The following PPP2R2B variants were observed in gnomAD, a reference collection of about 807,000 sequenced individuals.
PPP2R2B encodes serine/threonine-protein phosphatase 2A 55 kDa regulatory subunit B beta isoform.
Under a neutral mutation model 46.0 loss-of-function variants are expected in PPP2R2B, and 5 were observed. That is an observed-to-expected ratio of 0.11 (90% CI 0.06 to 0.23). The LOEUF is 0.23. Ranked by LOEUF, PPP2R2B falls within the 10% of genes least tolerant of loss-of-function variation. The pLI, the probability that PPP2R2B is intolerant of heterozygous loss-of-function variation, is 1.00. For synonymous variants in PPP2R2B, 215 were observed against 206.7 expected, an observed-to-expected ratio of 1.04 and a Z score of -0.34; for missense variants, 367 against 575.0, an observed-to-expected ratio of 0.64 and a Z score of 3.70.
chr5:146,752,147 G>T (rs774560047), intron 2 of PPP2R2B, among the ~76,000 whole-genome samples: 2 of 152,144 alleles, frequency 1.3e-5, no homozygotes, highest in Non-Finnish European at 2.9e-5. Context: ...GCTTGGACTA[G>T]TGTGGTAGCA....
At chr5:146,975,331 G>A (rs1368513665) in intron 1 of PPP2R2B, among the ~76,000 whole-genome samples, 2 of 152,154 alleles carry the variant, frequency 1.3e-5, no homozygotes, top group Non-Finnish European at 2.9e-5. Flanking sequence ...GCATGAGTAA[G>A]AATTTCCTTC....
chr5:146,865,293 GACACACACACAC>G (rs36219835), intron 2 of PPP2R2B, among the ~76,000 whole-genome samples: 4,339 of 145,974 alleles, frequency 0.03, 232 homozygotes, highest in African/African-American at 0.099. Flanking sequence ...CTTTGTCTCT[GACACACACACAC>G]ACACACACAC....
At chr5:146,718,692 A>G (rs1368976199) in intron 2 of PPP2R2B, among the ~76,000 whole-genome samples, 1 of 152,138 alleles carries the variant, frequency 6.6e-6, no homozygotes, top group Admixed American at 6.5e-5. Context: ...CACCCTTTCA[A>G]TTTGCAGGAA....
At chr5:146,698,331 T>A (rs1467619876) in intron 3 of PPP2R2B, among the ~76,000 whole-genome samples, 187 bp from the exon 4 acceptor site, 154 of 119,690 alleles carry the variant, frequency 1.3e-3, no homozygotes, top group East Asian at 6.8e-3. Context: ...TATATATATA[T>A]ATATATATAT....
At chr5:146,870,396 A>T (rs780934712) in intron 2 of PPP2R2B, among the ~76,000 whole-genome samples, 26 of 152,144 alleles carry the variant, frequency 1.7e-4, no homozygotes, top group Non-Finnish European at 2.5e-4. Flanking sequence ...AATGCCAGAG[A>T]TTGCGCTCTC....
intron 1 of PPP2R2B, among the ~76,000 whole-genome samples, chr5:146,983,290 C>G (rs1290986788): frequency 6.7e-6 from 1 of 149,072 alleles, no homozygotes; most frequent in African/African-American, 2.5e-5. Context: ...ACACCATTCT[C>G]CTGCCTCAGC....
intron 2 of PPP2R2B, among the ~76,000 whole-genome samples, chr5:146,733,103 T>C (rs1322190210): frequency 6.6e-6 from 1 of 152,242 alleles, no homozygotes; most frequent in African/African-American, 2.4e-5. Flanking sequence ...TAGGTCACCA[T>C]GAACTCTCAG....
chr5:146,917,751 G>C (rs549984468), intron 1 of PPP2R2B: 4 of 152,122 alleles, frequency 2.6e-5, no homozygotes, highest in Non-Finnish European at 4.4e-5. Flanking sequence ...TAATCTATCT[G>C]TAGCAAGATC....
chr5:146,794,032 C>G (rs1263513693), intron 2 of PPP2R2B, among the ~76,000 whole-genome samples: 1 of 152,174 alleles, frequency 6.6e-6, no homozygotes, highest in Non-Finnish European at 1.5e-5. Flanking sequence ...ATTCTGAACA[C>G]TTTTTGAGAA....
At chr5:146,616,384 TG>T (rs2151044963) in intron 7 of PPP2R2B, among the ~76,000 whole-genome samples, 1 of 152,118 alleles carries the variant, frequency 6.6e-6, no homozygotes, top group South Asian at 2.1e-4. Flanking sequence ...AATGAACAAA[TG>T]GGATCAAGTT....
chr5:146,731,827 G>A (rs1327281059), intron 2 of PPP2R2B, among the ~76,000 whole-genome samples: 2 of 152,136 alleles, frequency 1.3e-5, no homozygotes, highest in Non-Finnish European at 2.9e-5. Flanking sequence ...TGGACAGAGT[G>A]GGTATGTCCA....
intron 2 of PPP2R2B, among the ~76,000 whole-genome samples, chr5:146,794,245 C>T (rs572444206): frequency 6.6e-6 from 1 of 152,150 alleles, no homozygotes; most frequent in African/African-American, 2.4e-5. Context: ...TTTTGTCAAT[C>T]ATAATCAATT....
At chr5:146,779,000 C>A (rs904057082) in intron 2 of PPP2R2B, among the ~76,000 whole-genome samples, 1 of 152,122 alleles carries the variant, frequency 6.6e-6, no homozygotes, top group Non-Finnish European at 1.5e-5. Context: ...TGGGGCAGGA[C>A]GAACACAGCT....
At chr5:146,843,354 T>C (rs963271627) in intron 2 of PPP2R2B, among the ~76,000 whole-genome samples, 1 of 152,184 alleles carries the variant, frequency 6.6e-6, no homozygotes, top group South Asian at 2.1e-4. Context: ...AAGCTTACAA[T>C]CAAATTGCTT....
At chr5:146,869,306 A>T (rs1390701887) in intron 2 of PPP2R2B, among the ~76,000 whole-genome samples, 1 of 152,194 alleles carries the variant, frequency 6.6e-6, no homozygotes, top group Non-Finnish European at 1.5e-5. Context: ...TAAAATCAGG[A>T]AGGAGGACAT....
intron 7 of PPP2R2B, among the ~76,000 whole-genome samples, chr5:146,617,619 T>C (rs146726916): frequency 7.2e-5 from 11 of 151,834 alleles, no homozygotes; most frequent in Admixed American, 5.9e-4. Flanking sequence ...AGATATACCA[T>C]GCCTACGCTC....
intron 2 of PPP2R2B, among the ~76,000 whole-genome samples, chr5:146,730,738 G>A (rs1256176302): frequency 4.6e-5 from 7 of 152,090 alleles, no homozygotes; most frequent in Admixed American, 4.6e-4. Context: ...ATGCTTCTGA[G>A]GCCTCCCCAG....
chr5:146,901,418 T>C (rs1190997167), intron 1 of PPP2R2B, among the ~76,000 whole-genome samples: 1 of 152,040 alleles, frequency 6.6e-6, no homozygotes, highest in African/African-American at 2.4e-5. Context: ...GGTGGGATGA[T>C]TGCTTAGGAG....
chr5:146,913,804 C>T (rs935573522), intron 1 of PPP2R2B, among the ~76,000 whole-genome samples: 1 of 152,242 alleles, frequency 6.6e-6, no homozygotes, highest in South Asian at 2.1e-4. Flanking sequence ...GTGAATTAAA[C>T]TGCAAAAAGG....
Sources: allele counts gnomAD v4.1 joint callset (sites outside exome capture counted in the v4.1 genomes callset), GRCh38; gene constraint gnomAD v4.1.1; transcripts MANE v1.5; gene names NCBI Gene and HGNC (gene_info 2026-07-23, HGNC 2026-07-21).